Variants in BLM observed in about 807,000 individuals in gnomAD.
BLM encodes BLM RecQ like helicase.
Under a neutral mutation model 135.3 loss-of-function variants are expected in BLM, and 95 were observed. The ratio of observed to expected loss-of-function variants is 0.70; its 90% CI spans 0.59 to 0.83. The LOEUF (loss-of-function observed/expected upper bound fraction) is 0.83. Ranked by LOEUF, BLM falls within the 40% of genes least tolerant of loss-of-function variation. BLM has a pLI of 0.00. For missense variants in BLM, 1,518 were observed against 1,663.9 expected, an observed-to-expected ratio of 0.91 and a Z score of 1.53; for synonymous variants, 520 against 589.2, an observed-to-expected ratio of 0.88 and a Z score of 1.70.
Position 90,725,605 on chromosome 15 carries a change from T to C in BLM, c.-5+8165T>C, listed in dbSNP as rs1471936240. ...GCCTCCCGGGTTCACGCCATTCACC[T>C]GCCTCAGCCTCCCAAGTCCCAAGTA... is the stretch of plus-strand genomic sequence containing the variant. On this transcript the variant is annotated intron_variant, in intron 1 of 21. Coordinates refer to ENST00000355112, the MANE Select transcript of BLM (RefSeq NM_000057.4). 2.0e-5 allele frequency among the ~76,000 whole-genome samples: 3 copies of C among 149,914 alleles called. No homozygotes were observed. The Admixed American group carries it at 2.0e-4, about 10-fold the overall frequency.
In BLM at chr15:90,815,115, T is replaced by C. The variant is rs1596276396; in HGVS notation, c.4090T>C (p.Cys1364Arg). The C allele has an allele frequency of 1.2e-6, 2 of 1,614,116 alleles. No homozygotes were observed. The highest frequency in any genetic ancestry group is 1.3e-5 in the African/African-American group (1 of 75,042). The change falls in exon 22 of 22, where the codon TGT (cysteine) becomes CGT (arginine). Residue 1364 changes from cysteine (C) to arginine (R), a missense_variant. Transcript: ENST00000355112. The surrounding 1 kb of genome is among the most constrained non-coding windows in gnomAD (Gnocchi z 4.6). The stretch of plus-strand genomic sequence containing the variant: ...GTCACATTTCAGGGGGTCTGCCACA[T>C]GTAGAAAGATATCTTCCAAAACGAA... ...GSKAKGGSAT[C>R]RKISSKTKSS...
At chr15:90,795,834 G>T (rs1897016462) in intron 16 of BLM, among the ~76,000 whole-genome samples, 1 of 152,242 alleles carries the variant, frequency 6.6e-6, no homozygotes, top group Admixed American at 6.5e-5. Context: ...AAGACAGGAG[G>T]AATGGGTAGA....
rs1897218823 is a variant in BLM, at chr15:90,803,665, T to C, written c.3503T>C (p.Ile1168Thr). The C allele has an allele frequency of 8.7e-6, 14 of 1,614,208 alleles. No individual in the cohort carries two copies. Among genetic ancestry groups the C allele is most frequent in the Non-Finnish European group, 1.0e-5 (12 of 1,180,024 alleles). ...TATATCAATGCCAATGACCAGGCGA[T>C]CGCTTATGTGATGCTCGGAAATAAA... Reference protein sequence around the residue: ...DLYINANDQAIAYVMLGNKAQ... With the variant: ...DLYINANDQATAYVMLGNKAQ... Residue 1168 changes from isoleucine to threonine, a missense_variant, in exon 18 of 22, where the codon ATC becomes ACC. Transcript: ENST00000355112.
chr15:90,805,005 T>A (rs1567063637), intron 19 of BLM, among the ~76,000 whole-genome samples: 2 of 152,040 alleles, frequency 1.3e-5, no homozygotes, highest in Non-Finnish European at 2.9e-5. Flanking sequence ...CCCGGCTAAT[T>A]GTGTATTTTT....
chr15:90,723,038 C>T (rs1011225022), intron 1 of BLM, among the ~76,000 whole-genome samples: 2 of 152,094 alleles, frequency 1.3e-5, no homozygotes, highest in South Asian at 4.1e-4. Flanking sequence ...GACGGGGTTA[C>T]ATCATGTTGG....
At chr15:90,770,397 C>T (rs749140364) in intron 12 of BLM, among the ~76,000 whole-genome samples, 1 of 152,130 alleles carries the variant, frequency 6.6e-6, no homozygotes, top group Non-Finnish European at 1.5e-5. Context: ...AGGAGGGTCT[C>T]GATCTCCTGA....
At chr15:90,813,668 G>A (rs1181258962) in intron 21 of BLM, among the ~76,000 whole-genome samples, 1 of 152,178 alleles carries the variant, frequency 6.6e-6, no homozygotes, top group Admixed American at 6.5e-5. Flanking sequence ...GATGACAGGC[G>A]TGAGCCACTG....
At chr15:90,803,148 G>A (rs28385136) in intron 17 of BLM, among the ~76,000 whole-genome samples, 23,115 of 147,868 alleles carry the variant, frequency 0.16, 1,888 homozygotes, top group Non-Finnish European at 0.19. Flanking sequence ...CCACAATAGA[G>A]TGAGACCCTG....
chr15:90,770,472 G>A (rs775684887), intron 12 of BLM, among the ~76,000 whole-genome samples: 1 of 152,080 alleles, frequency 6.6e-6, no homozygotes, highest in Non-Finnish European at 1.5e-5. Context: ...CACCGTGCCC[G>A]GCCAATCCCC....
At chr15:90,789,987 G>GTTTTTTTTTTGTTTTTTTTTT (rs1896857678) in intron 14 of BLM, among the ~76,000 whole-genome samples, 8 of 57,358 alleles carry the variant, frequency 1.4e-4, no homozygotes, top group African/African-American at 3.2e-4. Context: ...AGTCCCTGGT[G>GTTTTTTTTTTGTTTTTTTTTT]TTTTTTTTTT....
At chr15:90,770,176 CCTTT>C (rs974244717) in intron 12 of BLM, among the ~76,000 whole-genome samples, 1 of 141,068 alleles carries the variant, frequency 7.1e-6, no homozygotes, top group African/African-American at 2.7e-5. Flanking sequence ...ATCCCCCCCC[CCTTT>C]TTTTTTTTTT....
At chr15:90,734,135 G>A (rs927729793) in intron 1 of BLM, among the ~76,000 whole-genome samples, 2 of 151,882 alleles carry the variant, frequency 1.3e-5, no homozygotes, top group Non-Finnish European at 2.9e-5. Flanking sequence ...ATGCAAAGAT[G>A]GTTTAACATT....
At chr15:90,752,137 T>C (rs1271821072) in intron 4 of BLM, among the ~76,000 whole-genome samples, 191 bp downstream of exon 4, 3 of 152,124 alleles carry the variant, frequency 2.0e-5, no homozygotes. Context: ...TGAAGTCCCA[T>C]TATGATTAAT....
Position 90,757,943 on chromosome 15 carries a change from G to A in BLM, c.1088-2204G>A, listed in dbSNP as rs114916130. Among the ~76,000 whole-genome samples, 303 of 149,512 alleles carry A rather than the reference G, an allele frequency of 2.0e-3. 1 individual carries two copies. Among genetic ancestry groups the A allele is most frequent in the Middle Eastern group, 6.9e-3 (2 of 288 alleles). On this transcript the variant is annotated intron_variant, in intron 5 of 21. Transcript: ENST00000355112. The stretch of plus-strand genomic sequence containing the variant: ...GTCACCCAGGCTAAAGTGCACTGGC[G>A]CAATCTCTGCTCACTGCAACCTCTG...
At chr15:90,762,416 A>G (rs1220373945) in intron 7 of BLM, 1 of 153,852 alleles carries the variant, frequency 6.5e-6, no homozygotes, top group Non-Finnish European at 1.4e-5. Flanking sequence ...TAGAGGTTAA[A>G]GTGCTGGTAA....
At chr15:90,810,547 T>G (rs1425341665) in intron 20 of BLM, among the ~76,000 whole-genome samples, 2 of 152,158 alleles carry the variant, frequency 1.3e-5, no homozygotes, top group Non-Finnish European at 2.9e-5. Context: ...GAGCTATCTA[T>G]AGGGAGGTTT....
chr15:90,744,465 C>T (rs531611090), intron 1 of BLM, among the ~76,000 whole-genome samples: 7 of 152,192 alleles, frequency 4.6e-5, no homozygotes, highest in African/African-American at 1.7e-4. Flanking sequence ...CTCTGCCTCC[C>T]GGGTTCAAGC....
chr15:90,780,014 T>G (rs1438988244), intron 12 of BLM, among the ~76,000 whole-genome samples: 1 of 152,086 alleles, frequency 6.6e-6, no homozygotes, highest in East Asian at 1.9e-4. Flanking sequence ...AGGATTGGTT[T>G]GTTTGTTTTC....
chr15:90,724,313 A>G (rs1049491998), intron 1 of BLM, among the ~76,000 whole-genome samples: 4 of 151,976 alleles, frequency 2.6e-5, no homozygotes, highest in African/African-American at 9.7e-5. Flanking sequence ...TCATCTAGTC[A>G]ATTTTTTTCT....
Sources: allele counts gnomAD v4.1 joint callset (sites outside exome capture counted in the v4.1 genomes callset), GRCh38; gene constraint gnomAD v4.1.1; non-coding constraint Gnocchi (gnomAD v3.1); transcripts MANE v1.5; gene names NCBI Gene and HGNC (gene_info 2026-07-23, HGNC 2026-07-21).